CXADR: variants seen among roughly 807,000 people sequenced by gnomAD.
CXADR encodes CXADR cell adhesion molecule, also known as coxsackievirus and adenovirus receptor.
Under a neutral mutation model 40.3 loss-of-function variants are expected in CXADR, and 20 were observed. That is an observed-to-expected ratio of 0.50 (90% confidence interval 0.35 to 0.72). CXADR has a LOEUF of 0.72. CXADR is among the 30% of genes least tolerant of loss of function. The pLI is 0.01. For missense variants in CXADR, 332 were observed against 449.1 expected (o/e 0.74, Z 2.36); for synonymous variants, 150 against 161.3 (o/e 0.93, Z 0.53).
At chr21:17,604,884 A>C in the CXADR span, 1 of 1,614,132 alleles carries the variant, frequency 6.2e-7, no homozygotes, top group Non-Finnish European at 8.5e-7. Flanking sequence ...ACATGGGTCC[A>C]CCCAGAGAGT....
At chr21:17,539,443 A>G (rs886152350) in intron 1 of CXADR, among the ~76,000 whole-genome samples, 1 of 151,946 alleles carries the variant, frequency 6.6e-6, no homozygotes, top group Non-Finnish European at 1.5e-5. Context: ...CTTGTCTCAT[A>G]TCCTCATTTT....
intron 1 of CXADR, among the ~76,000 whole-genome samples, chr21:17,537,805 G>C (rs972942733): frequency 6.6e-6 from 1 of 152,050 alleles, no homozygotes; most frequent in Admixed American, 6.6e-5. Context: ...CATGAGCTTT[G>C]CCACCAAAGT....
intron 1 of CXADR, among the ~76,000 whole-genome samples, chr21:17,534,029 G>GAT (rs2060714255): frequency 1.5e-5 from 1 of 67,752 alleles, no homozygotes; most frequent in East Asian, 4.8e-4. Context: ...TATATATATA[G>GAT]CTATATATAT....
In CXADR at chr21:17,565,599, C is replaced by A; in HGVS notation, c.1005C>A (p.Leu335=). The A allele has an allele frequency of 1.2e-6, 2 of 1,613,112 alleles. No individual in the cohort carries two copies. Among genetic ancestry groups the A allele is most frequent in the Non-Finnish European group, 1.7e-6 (2 of 1,179,834 alleles). Residue 335 remains leucine, a synonymous_variant, in exon 7 of 7, where the codon CTC becomes CTA. Transcript: ENST00000284878. ...AACGCACTCCTCAGAGTCCGACTCT[C>A]CCACCTGCTAAGGTAGCTGCCCCTA... ...DFERTPQSPT[L]PPAKVAAPNL...
At chr21:17,573,408 G>T (rs2061295303), downstream of CXADR, among the ~76,000 whole-genome samples, 2 of 152,258 alleles carry the variant, frequency 1.3e-5, no homozygotes, top group South Asian at 4.1e-4. Flanking sequence ...ATAAGATAGT[G>T]TGCATTGGTA....
intron 3 of CXADR, among the ~76,000 whole-genome samples, chr21:17,554,547 G>T (rs1303524120): frequency 6.6e-6 from 1 of 152,188 alleles, no homozygotes; most frequent in Non-Finnish European, 1.5e-5. Context: ...GATTGCCGAA[G>T]AGAAGTAGGG....
intron 7 of CXADR, among the ~76,000 whole-genome samples, chr21:17,589,871 T>C (rs1340482323): frequency 1.3e-5 from 2 of 152,070 alleles, no homozygotes; most frequent in Non-Finnish European, 2.9e-5. Flanking sequence ...CTAGTAACAC[T>C]GTAAGAGACT....
chr21:17,624,080 C>T, the CXADR span, among the ~76,000 whole-genome samples: 1 of 152,080 alleles, frequency 6.6e-6, no homozygotes, highest in African/African-American at 2.4e-5. Context: ...CATAGGCTCC[C>T]CATTTCACCC....
At chr21:17,523,992 A>G (rs1489411587) in intron 1 of CXADR, among the ~76,000 whole-genome samples, 1 of 151,726 alleles carries the variant, frequency 6.6e-6, no homozygotes, top group Non-Finnish European at 1.5e-5. Context: ...CCAAGCAGCT[A>G]GGATTACAGG....
At chr21:17,519,976 T>TAC (rs71966376) in intron 1 of CXADR, among the ~76,000 whole-genome samples, 4,725 of 150,108 alleles carry the variant, frequency 0.031, 247 homozygotes, top group African/African-American at 0.11. Context: ...ATTATATGTA[T>TAC]ACACACACAC....
the CXADR span, among the ~76,000 whole-genome samples, chr21:17,627,261 C>G: frequency 6.6e-6 from 1 of 152,078 alleles, no homozygotes; most frequent in African/African-American, 2.4e-5. Context: ...GAGGCTGAGG[C>G]AAGAGAATCA....
At chr21:17,545,391 T>A (rs73308237) in intron 1 of CXADR, among the ~76,000 whole-genome samples, 3,924 of 152,218 alleles carry the variant, frequency 0.026, 174 homozygotes, top group African/African-American at 0.09. Context: ...GAAAAAAAGT[T>A]TTATGTGATT....
chr21:17,635,924 T>C, the CXADR span, among the ~76,000 whole-genome samples: 3 of 152,194 alleles, frequency 2.0e-5, no homozygotes, highest in Admixed American at 1.3e-4. Context: ...AGGAATATGG[T>C]ATATTTCTTA....
chr21:17,593,045 A>T, intron 7 of CXADR: 1 of 976,040 alleles, frequency 1.0e-6, no homozygotes, highest in Non-Finnish European at 1.3e-6. Context: ...CTGCAAATTT[A>T]AAGATGAAGG....
the CXADR span, among the ~76,000 whole-genome samples, chr21:17,617,115 A>G: frequency 6.6e-6 from 1 of 152,208 alleles, no homozygotes; most frequent in Non-Finnish European, 1.5e-5. Flanking sequence ...TCTTTTTCAG[A>G]AGAAAATGCT....
the CXADR span, among the ~76,000 whole-genome samples, chr21:17,611,191 AAAACCCAAG>A: frequency 2.6e-5 from 4 of 152,370 alleles, no homozygotes; most frequent in East Asian, 7.7e-4. Flanking sequence ...GATGGAAAAG[AAAACCCAAG>A]GCAATTTAAT....
chr21:17,624,608 T>C, the CXADR span, among the ~76,000 whole-genome samples: 8 of 152,202 alleles, frequency 5.3e-5, no homozygotes, highest in African/African-American at 1.4e-4. Flanking sequence ...TGTGACTCTA[T>C]TGGACCCACC....
At chr21:17,623,419 GAAA>G in the CXADR span, among the ~76,000 whole-genome samples, 2 of 149,978 alleles carry the variant, frequency 1.3e-5, no homozygotes, top group African/African-American at 2.4e-5. Flanking sequence ...TCACAAATCA[GAAA>G]AAAAAAATTT....
chr21:17,621,308 T>C, the CXADR span, among the ~76,000 whole-genome samples: 1 of 152,148 alleles, frequency 6.6e-6, no homozygotes, highest in African/African-American at 2.4e-5. Context: ...CTTGCTTTTA[T>C]TTTTCTTTGC....
Sources: allele counts gnomAD v4.1 joint callset (sites outside exome capture counted in the v4.1 genomes callset), GRCh38; gene constraint gnomAD v4.1.1; transcripts MANE v1.5; gene names NCBI Gene and HGNC (gene_info 2026-07-23, HGNC 2026-07-21).